Variants in CENPF observed in about 807,000 individuals in gnomAD.
CENPF encodes the protein centromere protein F.
A neutral mutation model predicts 307.3 loss-of-function variants in CENPF; 214 were observed. The observed-to-expected ratio is 0.70, with a 90% CI of 0.62 to 0.78. The LOEUF (loss-of-function observed/expected upper bound fraction) is 0.78. Among genes scored for constraint, CENPF ranks in the 30% least tolerant of loss-of-function variants. The pLI, the probability that CENPF is intolerant of heterozygous loss-of-function variation, is 0.00. For synonymous variants in CENPF, 1,259 were observed against 1,270.6 expected (o/e 0.99, Z 0.19); for missense variants, 3,401 against 3,483.9 (o/e 0.98, Z 0.60).
Position 214,646,346 on chromosome 1 carries a change from A to G in CENPF, c.6776A>G (p.Glu2259Gly). The part of the protein sequence containing the change: ...QIKEESKTAV[E>G]MLQNQLKELN... ...AAAGAAGAATCTAAAACTGCAGTGG[A>G]GATGCTTCAGAATCAGTTAAAGGAG... Residue 2259 changes from glutamate to glycine, a missense_variant, in exon 13 of 20, where the codon GAG (glutamate) becomes GGG (glycine). Glu to Gly is a moderately conservative substitution (Grantham distance 98, BLOSUM62 -2). Coordinates refer to ENST00000366955, the MANE Select transcript of CENPF (RefSeq NM_016343.4). 1 of 1,614,000 alleles carries G rather than the reference A, an allele frequency of 6.2e-7. No individual in the cohort carries two copies. Among genetic ancestry groups the G allele is most frequent in the Non-Finnish European group, 8.5e-7 (1 of 1,179,978 alleles).
rs751262015 is a variant in CENPF at position 214,644,545 on chromosome 1, T to A, written c.4987-12T>A. 5.8e-6 allele frequency: 9 copies of A among 1,556,478 alleles called. No homozygotes were observed. The South Asian group carries it at 9.8e-5, about 17-fold the overall frequency. On this transcript the variant is annotated splice_polypyrimidine_tract_variant and intron_variant, in intron 12 of 19. Transcript: ENST00000366955. ...AAATAAAATGCATGCTTGTTATGTA[T>A]TATAATTACAGGCTATTCAAGGCCG... is the stretch of plus-strand genomic sequence containing the variant.
Position 214,647,086 on chromosome 1 carries a change from C to T in CENPF, c.7516C>T (p.Leu2506Phe). 1 of 1,613,906 alleles carries T rather than the reference C, an allele frequency of 6.2e-7. No individual in the cohort carries two copies. The highest frequency in any genetic ancestry group is 1.1e-5 in the South Asian group (1 of 91,060). ...TGTTTTGCAATCTTCAGTGAATGGCCTCATTCAAGAAGTAGAAGATGGCAA... is the reference window on the plus strand; with the variant it reads ...TGTTTTGCAATCTTCAGTGAATGGCTTCATTCAAGAAGTAGAAGATGGCAA... ...YIVLQSSVNG[L>F]IQEVEDGKQK... Residue 2506 changes from leucine (L) to phenylalanine (F), a missense_variant, in exon 13 of 20, where the codon CTC (leucine) becomes TTC (phenylalanine). Physicochemically the swap from Leu to Phe is conservative, Grantham distance 22. Transcript: ENST00000366955.
At chr1:214,663,510 C>T (rs1658837787) in intron 19 of CENPF, 81 bp from the exon 20 acceptor site, 1 of 1,357,376 alleles carries the variant, frequency 7.4e-7, no homozygotes, top group South Asian at 1.2e-5. Flanking sequence ...TAATTTAAAA[C>T]TTAGTGACAT....
At chr1:214,627,337 G>A (rs895183115) in intron 7 of CENPF, among the ~76,000 whole-genome samples, 3 of 149,372 alleles carry the variant, frequency 2.0e-5, no homozygotes, top group Admixed American at 2.0e-4. Flanking sequence ...GGGATTACAG[G>A]TGTGAGACAT....
At chr1:214,657,545 T>C (rs1658674355) in intron 18 of CENPF, 136 bp downstream of exon 18, 1 of 648,292 alleles carries the variant, frequency 1.5e-6, no homozygotes, top group African/African-American at 1.8e-5. Context: ...AGCAATAGTC[T>C]GCTTTTAAAT....
chr1:214,627,264 G>T (rs1571705073), intron 7 of CENPF, among the ~76,000 whole-genome samples: 1 of 151,696 alleles, frequency 6.6e-6, no homozygotes, highest in Non-Finnish European at 1.5e-5. Context: ...TCACCATGTT[G>T]CCCAAGTTGG....
intron 19 of CENPF, among the ~76,000 whole-genome samples, chr1:214,660,564 C>G (rs1283972004): frequency 6.6e-6 from 1 of 152,232 alleles, no homozygotes; most frequent in African/African-American, 2.4e-5. Context: ...AAGATATCCA[C>G]TGGATACTGA....
rs1196666979 is a variant in CENPF at position 214,643,072 on chromosome 1, T to C, written c.4734T>C (p.Asn1578=). 2 of 1,609,052 alleles carry C rather than the reference T, an allele frequency of 1.2e-6. No homozygotes were observed. The highest frequency in any genetic ancestry group is 1.7e-6 in the Non-Finnish European group (2 of 1,178,680). The change falls in exon 12 of 20, where the codon AAT becomes AAC. Residue 1578 remains asparagine (N), a synonymous_variant. Coordinates refer to ENST00000366955, the MANE Select transcript of CENPF (RefSeq NM_016343.4). ...TGGAAAGTCAAGGGATTATGAAAAATAAGGAAATTCAAGAGCTCGAGCAGT... is the reference window on the plus strand; with the variant it reads ...TGGAAAGTCAAGGGATTATGAAAAACAAGGAAATTCAAGAGCTCGAGCAGT... ...EKMESQGIMK[N]KEIQELEQLL...
chr1:214,653,120 A>G (rs1441496285), intron 16 of CENPF, 131 bp downstream of exon 16: 7 of 830,234 alleles, frequency 8.4e-6, no homozygotes, highest in South Asian at 2.7e-5. Flanking sequence ...GATGTCATTC[A>G]TCAGTTCTCT....
intron 1 of CENPF, chr1:214,605,880 T>C (rs1657013352): frequency 3.1e-6 from 5 of 1,597,222 alleles, no homozygotes; most frequent in Non-Finnish European, 4.2e-6. Flanking sequence ...GGCGACGTGA[T>C]CTTGGACACC....
intron 7 of CENPF, among the ~76,000 whole-genome samples, chr1:214,625,875 A>C (rs1657641002): frequency 6.6e-6 from 1 of 152,120 alleles, no homozygotes; most frequent in Non-Finnish European, 1.5e-5. Flanking sequence ...TCCCTCATTT[A>C]TAATAGAATT....
rs769502075 is a variant in CENPF at position 214,608,582 on chromosome 1, C to T, written c.-41-5132C>T. Reference sequence around the variant, plus strand: ...CGGGCGCTCTTGGTGGGGAAGACCTCAATGGTGTCCAGCTCGCGCTGGCTG... The same window carrying T: ...CGGGCGCTCTTGGTGGGGAAGACCTTAATGGTGTCCAGCTCGCGCTGGCTG... On this transcript the variant is annotated intron_variant, in intron 1 of 19. Transcript: ENST00000366955. 3 of 1,609,688 alleles carry T rather than the reference C, an allele frequency of 1.9e-6. No individual in the cohort carries two copies. The Admixed American group carries it at 5.0e-5, about 27-fold the overall frequency.
At position 214,645,531 on chromosome 1, in the gene CENPF, A is replaced by G. The variant is rs1256658564; in HGVS notation, c.5961A>G (p.Lys1987=). 3 of 1,614,108 alleles carry G rather than the reference A, an allele frequency of 1.9e-6. No homozygotes were observed. The highest frequency in any genetic ancestry group is 1.3e-5 in the African/African-American group (1 of 75,028). ...AGTTGTCTGAAAAAATGAAGGAGAA[A>G]ACACAAGAGCTTGAGTCTCATCAAA... ...LDQLSEKMKE[K]TQELESHQSE... is the part of the protein sequence containing the mutation. Residue 1987 remains lysine, a synonymous_variant, in exon 13 of 20, where the codon AAA becomes AAG. Coordinates refer to ENST00000366955, the MANE Select transcript of CENPF (RefSeq NM_016343.4).
In CENPF at chr1:214,646,073, A is replaced by G; in HGVS notation, c.6503A>G (p.Glu2168Gly). 6.2e-6 allele frequency: 10 copies of G among 1,614,140 alleles called. No individual in the cohort carries two copies. The highest frequency in any genetic ancestry group is 8.5e-6 in the Non-Finnish European group (10 of 1,180,036). ...NLERELQMSEENQELVILDAE... is the reference protein window; with the variant it reads ...NLERELQMSEGNQELVILDAE... ...GAAAGGGAATTGCAGATGTCAGAAG[A>G]AAACCAGGAGCTAGTGATTCTTGAT... The change falls in exon 13 of 20, where the codon GAA becomes GGA. Residue 2168 changes from glutamate (E) to glycine (G), a missense_variant. Coordinates refer to ENST00000366955, the MANE Select transcript of CENPF (RefSeq NM_016343.4).
chr1:214,640,623 G>A lies in CENPF; in HGVS notation c.2285G>A (p.Ser762Asn). The A allele has an allele frequency of 6.2e-7, 1 of 1,614,138 alleles. No homozygotes were observed. The highest frequency in any genetic ancestry group is 2.2e-5 in the East Asian group (1 of 44,880). Residue 762 changes from serine (S) to asparagine (N), a missense_variant, in exon 12 of 20, where the codon AGC (serine) becomes AAC (asparagine). Physicochemically the swap from Ser to Asn is conservative, Grantham distance 46. Transcript: ENST00000366955. ...CYQDLHAEYE[S>N]LRDLLKSKDA... ...CAAGACTTGCATGCCGAATATGAGA[G>A]CCTCAGGGATCTGCTAAAATCCAAA...
intron 6 of CENPF, 62 bp from the exon 7 acceptor site, chr1:214,622,017 G>A (rs996184468): frequency 5.4e-6 from 7 of 1,300,016 alleles, no homozygotes; most frequent in African/African-American, 1.5e-5. Context: ...CAAATGATAA[G>A]TTATGAACAT....
Position 214,643,255 on chromosome 1 carries a change from A to C in CENPF, c.4917A>C (p.Glu1639Asp), listed in dbSNP as rs202126235. Residue 1639 changes from glutamate (E) to aspartate (D), a missense_variant, in exon 12 of 20, where the codon GAA becomes GAC. Coordinates refer to ENST00000366955, the MANE Select transcript of CENPF (RefSeq NM_016343.4). The part of the protein sequence containing the change: ...KQTEQLSLEL[E>D]VARLQLQGLD... Reference sequence around the variant, plus strand: ...CGGAACAACTGTCACTTGAGCTGGAAGTAGCACGACTCCAGCTACAAGGTC... The same window carrying C: ...CGGAACAACTGTCACTTGAGCTGGACGTAGCACGACTCCAGCTACAAGGTC... The C allele has an allele frequency of 3.2e-6, 5 of 1,578,310 alleles. No homozygotes were observed. The East Asian group carries it at 1.1e-4, about 35-fold the overall frequency.
intron 13 of CENPF, among the ~76,000 whole-genome samples, chr1:214,647,792 G>C (rs1436106662): frequency 6.6e-6 from 1 of 152,120 alleles, no homozygotes; most frequent in Non-Finnish European, 1.5e-5. Context: ...ATCTAGGATC[G>C]GAAAGGATCT....
In CENPF at chr1:214,657,351, A is replaced by G; in HGVS notation, c.8904A>G (p.Ala2968=). 1 of 1,613,078 alleles carries G rather than the reference A, an allele frequency of 6.2e-7. No individual in the cohort carries two copies. Among genetic ancestry groups the G allele is most frequent in the Admixed American group, 1.7e-5 (1 of 60,030 alleles). ...KKAVMSGIHP[A]EDTEGTEFEP... Reference sequence around the variant, plus strand: ...CAGTCATGAGTGGTATTCACCCTGCAGAAGACACGGAAGGTACTGAGTTTG... The same window carrying G: ...CAGTCATGAGTGGTATTCACCCTGCGGAAGACACGGAAGGTACTGAGTTTG... The change falls in exon 18 of 20, where the codon GCA becomes GCG. Residue 2968 remains alanine (A), a synonymous_variant. Transcript: ENST00000366955.
Sources: allele counts gnomAD v4.1 joint callset (sites outside exome capture counted in the v4.1 genomes callset), GRCh38; gene constraint gnomAD v4.1.1; transcripts MANE v1.5; gene names NCBI Gene and HGNC (gene_info 2026-07-23, HGNC 2026-07-21).